Variants in ATP2B2 observed in about 807,000 individuals in gnomAD.
ATP2B2 encodes the protein ATPase plasma membrane Ca2+ transporting 2.
In ATP2B2, 15 loss-of-function variants were observed where a neutral mutation model predicts 120.0. That is an observed-to-expected ratio of 0.12 (90% CI 0.08 to 0.19). The LOEUF is 0.19. ATP2B2 is among the 10% of genes least tolerant of loss of function. ATP2B2 has a pLI of 1.00. For missense variants in ATP2B2, 1,045 were observed against 1,719.8 expected, an observed-to-expected ratio of 0.61 and a Z score of 6.94; for synonymous variants, 694 against 700.3, an observed-to-expected ratio of 0.99 and a Z score of 0.14.
chr3:10,499,927 C>T (rs2066311662), intron 1 of ATP2B2, among the ~76,000 whole-genome samples: 2 of 145,068 alleles, frequency 1.4e-5, no homozygotes, highest in African/African-American at 2.6e-5. Context: ...GACTTGGGCA[C>T]ATTCTTTTTT....
intron 1 of ATP2B2, among the ~76,000 whole-genome samples, chr3:10,686,096 G>A (rs2071516523): frequency 8.0e-6 from 1 of 125,642 alleles, no homozygotes; most frequent in Non-Finnish European, 1.6e-5. Flanking sequence ...GATTCCCACT[G>A]GCCTAATGCC....
chr3:10,355,138 C>T (rs1228019903), intron 14 of ATP2B2, among the ~76,000 whole-genome samples: 1 of 152,170 alleles, frequency 6.6e-6, no homozygotes, highest in African/African-American at 2.4e-5. Context: ...GCATCCATCC[C>T]GCCCCACTCG....
Position 10,375,035 on chromosome 3 carries a change from C to T in ATP2B2, c.1416+395G>A, listed in dbSNP as rs117710276. 2.3e-3 allele frequency among the ~76,000 whole-genome samples: 348 copies of T among 152,274 alleles called. No homozygotes were observed. Among genetic ancestry groups the T allele is most frequent in the South Asian group, 0.012 (60 of 4,832 alleles). Reference sequence around the variant, plus strand: ...GGGTAAGGATGAATTCTGGCTTGCACGGTGATGTCTTTATTATTTTTTTAA... The same window carrying T: ...GGGTAAGGATGAATTCTGGCTTGCATGGTGATGTCTTTATTATTTTTTTAA... On this transcript the variant is annotated intron_variant, in intron 11 of 22. Coordinates refer to ENST00000360273, the MANE Select transcript of ATP2B2 (RefSeq NM_001001331.4). This position sits in a 1 kb window ranked among gnomAD's most constrained non-coding sequence, Gnocchi z 4.2.
intron 1 of ATP2B2, among the ~76,000 whole-genome samples, chr3:10,468,124 G>C (rs948201157): frequency 6.6e-6 from 1 of 152,228 alleles, no homozygotes; most frequent in African/African-American, 2.4e-5. Flanking sequence ...GGGGTTCTGG[G>C]GGAGATGGAA....
intron 21 of ATP2B2, chr3:10,338,653 G>T (rs932827357): frequency 9.5e-6 from 4 of 419,880 alleles, no homozygotes; most frequent in South Asian, 8.7e-5. Context: ...GCCTCTAGGA[G>T]TTGGACAGAT....
chr3:10,530,125 C>T (rs1052671786), intron 3 of ATP2B2, among the ~76,000 whole-genome samples: 2 of 152,220 alleles, frequency 1.3e-5, no homozygotes, highest in Non-Finnish European at 2.9e-5. Context: ...TTTCGCAGTG[C>T]TCAGGTGGCT....
At chr3:10,513,939 C>T (rs767075196) in intron 3 of ATP2B2, among the ~76,000 whole-genome samples, 3 of 152,086 alleles carry the variant, frequency 2.0e-5, no homozygotes, top group South Asian at 4.2e-4. Context: ...GATGCAGAGA[C>T]GGAAGAGGGG....
In ATP2B2 at chr3:10,378,407, T is replaced by C. The variant is rs536636171; in HGVS notation, c.1046A>G (p.Lys349Arg). 7.0e-5 allele frequency: 112 copies of C among 1,600,954 alleles called. 1 individual carries two copies. In the South Asian group the frequency reaches 1.1e-3, roughly 16 times the overall value. Residue 349 changes from lysine to arginine, a missense_variant, in exon 10 of 23, where the codon AAA (lysine) becomes AGA (arginine). This residue lies in a region of ATP2B2 where 145 missense variants were observed against 202.0 expected (regional missense o/e 0.72). Transcript: ENST00000360273. ...CATGGCGGCTGCCCCGTCCTGTTGT[T>C]TGGCTGCAGGGGGCAGATCACGCAC... ...GNVDASQSKA[K>R]QQDGAAAMEM...
chr3:10,664,992 C>T (rs2070890069), intron 1 of ATP2B2, among the ~76,000 whole-genome samples: 1 of 152,160 alleles, frequency 6.6e-6, no homozygotes, highest in Non-Finnish European at 1.5e-5. Context: ...TTGTTCCTGC[C>T]ACTGCTGTCT....
chr3:10,663,835 GACAC>G (rs1041045083), intron 1 of ATP2B2, among the ~76,000 whole-genome samples: 1 of 152,158 alleles, frequency 6.6e-6, no homozygotes, highest in Non-Finnish European at 1.5e-5. Flanking sequence ...GGACTACTAA[GACAC>G]ACCCATCTCT....
intron 8 of ATP2B2, among the ~76,000 whole-genome samples, chr3:10,383,946 C>T (rs1007616417): frequency 1.3e-5 from 2 of 152,116 alleles, no homozygotes; most frequent in African/African-American, 4.8e-5. Flanking sequence ...CCTCTAGGTT[C>T]CTTCTCTCTC....
chr3:10,393,037 G>T (rs559929032), intron 5 of ATP2B2, among the ~76,000 whole-genome samples: 2 of 152,364 alleles, frequency 1.3e-5, no homozygotes, highest in South Asian at 4.1e-4. Context: ...GGACAGACAT[G>T]GTGGGGTGTC....
intron 2 of ATP2B2, among the ~76,000 whole-genome samples, chr3:10,594,558 G>T (rs1472032697): frequency 7.1e-6 from 1 of 141,582 alleles, no homozygotes; most frequent in Non-Finnish European, 1.5e-5. Flanking sequence ...CACACACCGG[G>T]GCCTGTTGTG....
chr3:10,379,351 G>A lies in ATP2B2; in HGVS notation c.1001-67C>T, dbSNP rs368971436. ...ACACATGGTCGGTCATCACGAAGAC[G>A]CAACAGGCCACAGACATTAATGTCA... On this transcript the variant is annotated intron_variant, in intron 8 of 22. Coordinates refer to ENST00000360273, the MANE Select transcript of ATP2B2 (RefSeq NM_001001331.4). 2.2e-5 allele frequency: 33 copies of A among 1,523,674 alleles called. No individual in the cohort carries two copies. The African/African-American group carries it at 3.6e-4, about 16-fold the overall frequency. The allele number at this position is 1,523,674 out of a possible 1,614,324, so 94.4% of individuals were successfully genotyped here.
rs565087574 is a variant in ATP2B2 at position 10,636,436 on chromosome 3, A to G, written c.-459-16475T>C. 6.6e-5 allele frequency among the ~76,000 whole-genome samples: 10 copies of G among 152,304 alleles called. No homozygotes were observed. The South Asian group carries it at 2.1e-3, about 32-fold the overall frequency. ...AAGGGGGCTGGATGTCTAAGACCCC[A>G]GGGAGATTAGGAAGAACTTCTAGAA... On this transcript the variant is annotated intron_variant, in intron 1 of 21. Transcript: ENST00000646379.
chr3:10,685,129 C>T (rs945687746), intron 1 of ATP2B2, among the ~76,000 whole-genome samples: 19 of 152,160 alleles, frequency 1.2e-4, no homozygotes, highest in Admixed American at 2.0e-4. Context: ...ATCTGTAAAA[C>T]GGGTGTGCTA....
chr3:10,693,829 A>G (rs1196628887), intron 1 of ATP2B2, among the ~76,000 whole-genome samples: 1 of 152,234 alleles, frequency 6.6e-6, no homozygotes, highest in African/African-American at 2.4e-5. Context: ...TATTAGGTGA[A>G]CAAATACATC....
At chr3:10,699,084 A>G (rs2071781438) in intron 1 of ATP2B2, among the ~76,000 whole-genome samples, 1 of 152,114 alleles carries the variant, frequency 6.6e-6, no homozygotes, top group Non-Finnish European at 1.5e-5. Flanking sequence ...TCACCTATTC[A>G]TCTTTCTTCT....
chr3:10,410,612 T>C lies in ATP2B2; in HGVS notation c.397+6A>G, dbSNP rs1356918773. ...GGGCGGTTCGTGGGTCTGAGGCCCA[T>C]CTTACCTTCGTTGCCCTCGCCGGGC... On this transcript the variant is annotated splice_donor_region_variant and intron_variant, in intron 3 of 22. Coordinates refer to ENST00000360273, the MANE Select transcript of ATP2B2 (RefSeq NM_001001331.4). The C allele has an allele frequency of 6.2e-7, 1 of 1,601,420 alleles. No homozygotes were observed.
Sources: allele counts gnomAD v4.1 joint callset (sites outside exome capture counted in the v4.1 genomes callset), GRCh38; gene constraint gnomAD v4.1.1; regional missense constraint gnomAD v4.1.1; non-coding constraint Gnocchi (gnomAD v3.1); transcripts MANE v1.5; gene names NCBI Gene and HGNC (gene_info 2026-07-23, HGNC 2026-07-21).